The following FGGY variants were observed in gnomAD, a reference collection of about 807,000 sequenced individuals.
The protein encoded by FGGY is FGGY carbohydrate kinase domain containing.
FGGY carries 72 observed loss-of-function variants against 71.3 expected under a neutral mutation model. The observed-to-expected ratio is 1.01, with a 90% CI of 0.84 to 1.23. The LOEUF (loss-of-function observed/expected upper bound fraction) is 1.23, where lower values mean the gene tolerates loss of function less well. FGGY is among the 50% of genes most tolerant of loss of function. The pLI is 0.00. For synonymous variants in FGGY, 251 were observed against 250.3 expected, an observed-to-expected ratio of 1.00 and a Z score of -0.02; for missense variants, 668 against 682.3, an observed-to-expected ratio of 0.98 and a Z score of 0.23.
intron 7 of FGGY, 186 bp from the exon 8 acceptor site, chr1:59,553,938 T>TAAG (rs2095646707): frequency 2.2e-6 from 1 of 457,272 alleles, no homozygotes; most frequent in Non-Finnish European, 3.9e-6. Context: ...CTGAGCAGGC[T>TAAG]TCCGAGGTTT....
intron 5 of FGGY, among the ~76,000 whole-genome samples, chr1:59,386,432 A>G (rs890318681): frequency 1.3e-5 from 2 of 152,062 alleles, no homozygotes; most frequent in Non-Finnish European, 1.5e-5. Flanking sequence ...ACCTTTCTCA[A>G]CCTATCAAGC....
At chr1:59,388,296 C>T (rs1259162024) in intron 5 of FGGY, among the ~76,000 whole-genome samples, 1 of 152,102 alleles carries the variant, frequency 6.6e-6, no homozygotes, top group Non-Finnish European at 1.5e-5. Flanking sequence ...AAAGTGTGAG[C>T]TCATTATTAT....
intron 14 of FGGY, among the ~76,000 whole-genome samples, chr1:59,743,764 AAGTAC>A (rs1338686883): frequency 6.6e-6 from 1 of 152,228 alleles, no homozygotes; most frequent in Non-Finnish European, 1.5e-5. Flanking sequence ...AAAGGACTGG[AAGTAC>A]AACCCAAAAA....
At chr1:59,606,444 C>T (rs944080710) in intron 8 of FGGY, among the ~76,000 whole-genome samples, 1 of 152,182 alleles carries the variant, frequency 6.6e-6, no homozygotes, top group African/African-American at 2.4e-5. Context: ...AGAAGCTCAC[C>T]TTACGGCAGT....
chr1:59,711,210 A>G (rs181877605), intron 14 of FGGY, among the ~76,000 whole-genome samples: 2 of 152,262 alleles, frequency 1.3e-5, no homozygotes, highest in East Asian at 3.9e-4. Context: ...CAAACACCAC[A>G]TGTTCTCACT....
chr1:59,495,540 T>C (rs891164695), intron 6 of FGGY, among the ~76,000 whole-genome samples: 6 of 152,120 alleles, frequency 3.9e-5, no homozygotes, highest in African/African-American at 1.4e-4. Context: ...ATGATTTTTA[T>C]ATATGGTATA....
At chr1:59,585,044 T>A (rs1259867518) in intron 8 of FGGY, among the ~76,000 whole-genome samples, 1 of 152,088 alleles carries the variant, frequency 6.6e-6, no homozygotes, top group Non-Finnish European at 1.5e-5. Flanking sequence ...GGAAGAACAT[T>A]CCATGCTCAT....
chr1:59,307,050 C>T (rs2043542879), intron 1 of FGGY, among the ~76,000 whole-genome samples: 1 of 152,098 alleles, frequency 6.6e-6, no homozygotes, highest in Admixed American at 6.5e-5. Flanking sequence ...CACGGTGGCT[C>T]ATGTCTGTAA....
At chr1:59,649,189 C>T (rs2097131248) in intron 11 of FGGY, among the ~76,000 whole-genome samples, 2 of 149,046 alleles carry the variant, frequency 1.3e-5, no homozygotes, top group South Asian at 2.1e-4. Context: ...AGTGTGATGC[C>T]TCCAGCTTTG....
chr1:59,416,887 A>G (rs1293828319), intron 5 of FGGY, among the ~76,000 whole-genome samples: 1 of 152,186 alleles, frequency 6.6e-6, no homozygotes, highest in African/African-American at 2.4e-5. Context: ...GGAAAACAAG[A>G]TTATCATGGT....
rs553375590 is a variant in FGGY, at chr1:59,672,944, C to T, written c.1418-1095C>T. 3.3e-5 allele frequency among the ~76,000 whole-genome samples: 5 copies of T among 152,264 alleles called. No homozygotes were observed. In the South Asian group the frequency reaches 8.3e-4, roughly 25 times the overall value. Reference sequence around the variant, plus strand: ...TCTGGGCATTGGCATATGGAGGGCTCCTCCCTGCCTGGTGGACTCCTGCTC... The same window carrying T: ...TCTGGGCATTGGCATATGGAGGGCTTCTCCCTGCCTGGTGGACTCCTGCTC... On this transcript the variant is annotated intron_variant, in intron 13 of 15. Transcript: ENST00000303721.
intron 7 of FGGY, among the ~76,000 whole-genome samples, chr1:59,533,382 G>A (rs1320532186): frequency 1.3e-5 from 2 of 152,224 alleles, no homozygotes; most frequent in Admixed American, 6.5e-5. Flanking sequence ...TGCTAGCACA[G>A]CAGTCTGAGA....
At chr1:59,401,000 A>G (rs1440049332) in intron 5 of FGGY, among the ~76,000 whole-genome samples, 2 of 152,162 alleles carry the variant, frequency 1.3e-5, no homozygotes, top group African/African-American at 4.8e-5. Context: ...AGTTCCATAA[A>G]GATGAGAATT....
intron 14 of FGGY, among the ~76,000 whole-genome samples, chr1:59,720,358 G>A (rs1480791979): frequency 6.6e-6 from 1 of 152,198 alleles, no homozygotes; most frequent in Non-Finnish European, 1.5e-5. Flanking sequence ...GTTAGCTGAG[G>A]TTTTATTCTG....
intron 11 of FGGY, among the ~76,000 whole-genome samples, chr1:59,654,817 A>G (rs1050238142): frequency 6.6e-6 from 1 of 152,184 alleles, no homozygotes; most frequent in Non-Finnish European, 1.5e-5. Context: ...GAAAGAGTTG[A>G]GAGAGGTGCC....
At chr1:59,594,398 A>G (rs371769998) in intron 8 of FGGY, among the ~76,000 whole-genome samples, 121 of 152,294 alleles carry the variant, frequency 7.9e-4, no homozygotes, top group African/African-American at 2.9e-3. Context: ...AATTTTCCCA[A>G]ATATCCGGTA....
intron 5 of FGGY, among the ~76,000 whole-genome samples, chr1:59,448,046 T>C (rs2071727604): frequency 6.6e-6 from 1 of 152,074 alleles, no homozygotes; most frequent in Non-Finnish European, 1.5e-5. Flanking sequence ...CTCCTGAACT[T>C]TTTGGGTCTC....
chr1:59,481,753 A>G (rs577104236), intron 6 of FGGY, among the ~76,000 whole-genome samples: 1 of 152,258 alleles, frequency 6.6e-6, no homozygotes, highest in East Asian at 1.9e-4. Context: ...TTGCAAGGCC[A>G]GCGGTCTAAG....
At chr1:59,493,624 G>C (rs2093946678) in intron 6 of FGGY, among the ~76,000 whole-genome samples, 1 of 152,126 alleles carries the variant, frequency 6.6e-6, no homozygotes, top group Admixed American at 6.6e-5. Context: ...ATAGTTACCA[G>C]GGATTTGGGG....
Sources: gnomAD v4.1 joint callset for allele counts (sites outside exome capture counted in the v4.1 genomes callset) on GRCh38, gnomAD v4.1.1 for gene constraint, MANE v1.5 for transcripts, NCBI Gene and HGNC (gene_info 2026-07-23, HGNC 2026-07-21) for gene names.